The following R3HCC1L variants were observed in gnomAD, a reference collection of about 807,000 sequenced individuals.
R3HCC1L encodes the protein coiled-coil domain-containing protein R3HCC1L.
R3HCC1L carries 51 observed loss-of-function variants against 59.9 expected under a neutral mutation model. The observed-to-expected ratio is 0.85, with a 90% CI of 0.68 to 1.07. The LOEUF is 1.07. Among genes scored for constraint, R3HCC1L ranks in the 50% least tolerant of loss-of-function variants. The pLI is 0.00. For synonymous variants in R3HCC1L, 322 were observed against 315.2 expected (o/e 1.02, Z -0.23); for missense variants, 965 against 933.0 (o/e 1.03, Z -0.45).
intron 1 of R3HCC1L, among the ~76,000 whole-genome samples, chr10:98,139,150 A>T (rs928373261): frequency 6.6e-6 from 1 of 152,198 alleles, no homozygotes; most frequent in Non-Finnish European, 1.5e-5. Flanking sequence ...CCTTGTCCTC[A>T]TTAGCTCCAT....
At chr10:98,148,345 G>T (rs1312900862) in intron 1 of R3HCC1L, among the ~76,000 whole-genome samples, 1 of 152,034 alleles carries the variant, frequency 6.6e-6, no homozygotes, top group African/African-American at 2.4e-5. Context: ...GGGACAATTG[G>T]ACTTCCTCCT....
At chr10:98,204,766 T>G (rs2135180739) in intron 4 of R3HCC1L, among the ~76,000 whole-genome samples, 1 of 152,282 alleles carries the variant, frequency 6.6e-6, no homozygotes, top group South Asian at 2.1e-4. Flanking sequence ...TTGTTCTGTT[T>G]TATTAGTTAT....
At chr10:98,226,647 G>T (rs994140567) in intron 5 of R3HCC1L, among the ~76,000 whole-genome samples, 5 of 152,184 alleles carry the variant, frequency 3.3e-5, no homozygotes, top group Admixed American at 1.3e-4. Context: ...TTTCTAGTAA[G>T]CTTCTTGATT....
chr10:98,240,892 C>G (rs1288491120), intron 9 of R3HCC1L, among the ~76,000 whole-genome samples: 1 of 151,052 alleles, frequency 6.6e-6, no homozygotes, highest in African/African-American at 2.4e-5. Context: ...AACCTAATAC[C>G]TTTGCCTAGA....
intron 9 of R3HCC1L, among the ~76,000 whole-genome samples, chr10:98,238,743 GA>G (rs957976922): frequency 1.3e-4 from 20 of 150,610 alleles, no homozygotes; most frequent in African/African-American, 4.6e-4. Context: ...TTTTCTCCCA[GA>G]AAAAAAAACT....
At chr10:98,146,971 G>A (rs1374138354) in intron 1 of R3HCC1L, among the ~76,000 whole-genome samples, 1 of 151,862 alleles carries the variant, frequency 6.6e-6, no homozygotes, top group East Asian at 1.9e-4. Flanking sequence ...TTCATTTTTT[G>A]AGGAGCCTCC....
At chr10:98,176,883 G>A (rs1327543187) in intron 4 of R3HCC1L, among the ~76,000 whole-genome samples, 1 of 151,918 alleles carries the variant, frequency 6.6e-6, no homozygotes, top group Non-Finnish European at 1.5e-5. Flanking sequence ...TCAGGATGAG[G>A]AAGTTCTCCT....
At chr10:98,242,972 G>A (rs1010984061) in intron 9 of R3HCC1L, among the ~76,000 whole-genome samples, 1 of 152,172 alleles carries the variant, frequency 6.6e-6, no homozygotes, top group Non-Finnish European at 1.5e-5. Context: ...GCAGACCACT[G>A]TTTTTTGCCT....
At chr10:98,153,817 AAAG>A (rs1444039501) in intron 1 of R3HCC1L, among the ~76,000 whole-genome samples, 9 of 151,960 alleles carry the variant, frequency 5.9e-5, no homozygotes, top group Non-Finnish European at 8.8e-5. Context: ...AAAAAAAAAA[AAAG>A]AAATTCCAGA....
chr10:98,224,525 C>G (rs1436827375), intron 5 of R3HCC1L, among the ~76,000 whole-genome samples: 1 of 152,124 alleles, frequency 6.6e-6, no homozygotes, highest in Non-Finnish European at 1.5e-5. Flanking sequence ...TAAGTGTCTT[C>G]AAACCCTTTA....
At chr10:98,154,806 A>G (rs1846672469) in intron 1 of R3HCC1L, among the ~76,000 whole-genome samples, 1 of 152,228 alleles carries the variant, frequency 6.6e-6, no homozygotes, top group African/African-American at 2.4e-5. Flanking sequence ...ATAATTACTG[A>G]ACTATGAGTA....
chr10:98,179,204 A>C (rs966133889), intron 4 of R3HCC1L, among the ~76,000 whole-genome samples: 1 of 152,198 alleles, frequency 6.6e-6, no homozygotes, highest in Non-Finnish European at 1.5e-5. Flanking sequence ...TGGGTTTGTC[A>C]TAAATAGCTC....
In R3HCC1L at chr10:98,208,993, C is replaced by A. The variant is rs769813276; in HGVS notation, c.879C>A (p.Ala293=). The A allele has an allele frequency of 6.2e-7, 1 of 1,613,698 alleles. No homozygotes were observed. Among genetic ancestry groups the A allele is most frequent in the African/African-American group, 1.3e-5 (1 of 74,856 alleles). ...DFEVESVGGI[A]NSTGFILDQK... ...AAGTTGAGAGTGTAGGTGGTATAGC[C>A]AATAGTACAGGTTTCATCTTAGATC... Residue 293 remains alanine (A), a synonymous_variant, in exon 5 of 10, where the codon GCC becomes GCA. Coordinates refer to ENST00000298999, the MANE Select transcript of R3HCC1L (RefSeq NM_001351015.2).
At chr10:98,199,691 GTA>G (rs1448265489) in intron 4 of R3HCC1L, among the ~76,000 whole-genome samples, 1 of 151,404 alleles carries the variant, frequency 6.6e-6, no homozygotes, top group Non-Finnish European at 1.5e-5. Flanking sequence ...CCTCTTAAAA[GTA>G]AACCTATTAA....
chr10:98,153,135 G>A (rs1846436481), intron 1 of R3HCC1L, among the ~76,000 whole-genome samples: 1 of 152,196 alleles, frequency 6.6e-6, no homozygotes, highest in Non-Finnish European at 1.5e-5. Context: ...ATTGAGAACG[G>A]GCCATGATGA....
intron 1 of R3HCC1L, among the ~76,000 whole-genome samples, chr10:98,141,564 C>G (rs1465472983): frequency 6.6e-6 from 1 of 152,176 alleles, no homozygotes; most frequent in Non-Finnish European, 1.5e-5. Context: ...GGAATTCAGA[C>G]AGGACAGTTT....
At chr10:98,205,148 A>G (rs924863778) in intron 4 of R3HCC1L, among the ~76,000 whole-genome samples, 20 of 152,334 alleles carry the variant, frequency 1.3e-4, no homozygotes, top group African/African-American at 4.6e-4. Context: ...AAAGCTAATA[A>G]ATACTTCAAA....
At chr10:98,142,575 T>C (rs1590377380) in intron 1 of R3HCC1L, among the ~76,000 whole-genome samples, 1 of 150,138 alleles carries the variant, frequency 6.7e-6, no homozygotes, top group African/African-American at 2.5e-5. Context: ...GAGGTGGAGG[T>C]TGCAATGAGT....
chr10:98,234,297 A>G (rs555646286), intron 6 of R3HCC1L, 149 bp from the exon 7 acceptor site: 18 of 692,628 alleles, frequency 2.6e-5, no homozygotes, highest in Admixed American at 2.2e-4. Flanking sequence ...TCTGTCCTCC[A>G]AACTGTTTTC....
Sources: allele counts gnomAD v4.1 joint callset (sites outside exome capture counted in the v4.1 genomes callset), GRCh38; gene constraint gnomAD v4.1.1; transcripts MANE v1.5; gene names NCBI Gene and HGNC (gene_info 2026-07-23, HGNC 2026-07-21).